Variants in DAB1 observed in about 807,000 individuals in gnomAD.
DAB1 encodes the protein disabled homolog 1.
Under a neutral mutation model 64.6 loss-of-function variants are expected in DAB1, and 15 were observed. That is an observed-to-expected ratio of 0.23 (90% CI 0.16 to 0.36). The LOEUF (loss-of-function observed/expected upper bound fraction) is 0.36. Ranked by LOEUF, DAB1 falls within the 10% of genes least tolerant of loss-of-function variation. The pLI, the probability that DAB1 is intolerant of heterozygous loss-of-function variation, is 1.00. For synonymous variants in DAB1, 235 were observed against 251.9 expected (o/e 0.93, Z 0.64); for missense variants, 596 against 706.7 (o/e 0.84, Z 1.78).
chr1:57,091,594 T>C (rs191163253), intron 4 of DAB1, among the ~76,000 whole-genome samples: 137 of 152,322 alleles, frequency 9.0e-4, no homozygotes, highest in Non-Finnish European at 1.4e-3. Flanking sequence ...TTTTTCTATA[T>C]CATCTTGATA....
chr1:57,256,811 C>G (rs1669800283), intron 2 of DAB1, among the ~76,000 whole-genome samples: 2 of 152,048 alleles, frequency 1.3e-5, no homozygotes, highest in East Asian at 1.9e-4. Context: ...CCAGAAGCAC[C>G]CTGGACTCTG....
In DAB1 at chr1:57,941,846, G is replaced by A. The variant is rs541625982; in HGVS notation, n.388-57684C>T. Among the ~76,000 whole-genome samples, 808 of 151,996 alleles carry A rather than the reference G, an allele frequency of 5.3e-3. 6 individuals carry two copies. The highest frequency in any genetic ancestry group is 0.019 in the African/African-American group (776 of 41,450). On this transcript the variant is annotated intron_variant and non_coding_transcript_variant, in intron 5 of 20. Transcript: ENST00000485760. ...TGAGACTCCGTCTCTTAAAAAAAAA[G>A]AAAAGAAATCTAATGGGGTGGTGAA... is the stretch of plus-strand genomic sequence containing the variant.
chr1:57,986,069 C>A (rs183698655), intron 5 of DAB1, among the ~76,000 whole-genome samples: 2 of 152,168 alleles, frequency 1.3e-5, no homozygotes, highest in Non-Finnish European at 2.9e-5. Context: ...ATACCCTTCA[C>A]ACTTGACACA....
chr1:57,799,875 C>A (rs1405380725), intron 6 of DAB1, among the ~76,000 whole-genome samples: 4 of 152,148 alleles, frequency 2.6e-5, no homozygotes, highest in African/African-American at 9.7e-5. Flanking sequence ...GCTTTTGCTT[C>A]AAGGGCAGAA....
In DAB1 at chr1:57,414,316, T is replaced by C. The variant is rs566483900; in HGVS notation, c.-137+9614A>G. Among the ~76,000 whole-genome samples, 43 of 152,362 alleles carry C rather than the reference T, an allele frequency of 2.8e-4. No individual in the cohort carries two copies. In the South Asian group the frequency reaches 4.4e-3, roughly 15 times the overall value. On this transcript the variant is annotated intron_variant, in intron 1 of 14. Transcript: ENST00000371236. ...ACTTCAATCTTCAGTAACCACCACC[T>C]TAATCAGTCAGTAGCCACCAACATT...
At chr1:57,272,840 C>G (rs577132236) in intron 2 of DAB1, among the ~76,000 whole-genome samples, 1 of 151,994 alleles carries the variant, frequency 6.6e-6, no homozygotes, top group African/African-American at 2.4e-5. Flanking sequence ...GGGTGTGGGG[C>G]GGGCAGTAGG....
At chr1:57,663,225 C>A (rs4244008) in intron 6 of DAB1, among the ~76,000 whole-genome samples, 50,123 of 151,860 alleles carry the variant, frequency 0.33, 8,608 homozygotes, top group Non-Finnish European at 0.38. Context: ...TTTCAAATAA[C>A]CAGATCTCAG....
At chr1:58,245,465 G>T (rs936355781) in intron 4 of DAB1, among the ~76,000 whole-genome samples, 1 of 152,122 alleles carries the variant, frequency 6.6e-6, no homozygotes, top group Admixed American at 6.6e-5. Flanking sequence ...GTTAAGATGT[G>T]GACTAAAGGG....
intron 1 of DAB1, among the ~76,000 whole-genome samples, chr1:57,857,852 A>AC (rs568704505): frequency 0.015 from 2,175 of 146,492 alleles, 15 homozygotes; most frequent in Non-Finnish European, 0.024. Context: ...GAATGTTCAT[A>AC]CAAAAAAAAA....
At chr1:57,435,685 C>T (rs1236718965) in intron 7 of DAB1, among the ~76,000 whole-genome samples, 1 of 152,126 alleles carries the variant, frequency 6.6e-6, no homozygotes, top group Non-Finnish European at 1.5e-5. Context: ...GGGGCAGTAA[C>T]ATGCATGAGC....
rs1652941155 is a variant in DAB1, at chr1:57,839,155, C to T, written n.88-12700G>A. On this transcript the variant is annotated intron_variant and non_coding_transcript_variant, in intron 1 of 1. Transcript: ENST00000477280. Reference sequence around the variant, plus strand: ...ATTTCTCTAGTAATTCCCCTAAATGCAAACCAAGCACTAGAAACCTTAGGC... The same window carrying T: ...ATTTCTCTAGTAATTCCCCTAAATGTAAACCAAGCACTAGAAACCTTAGGC... 2.0e-5 allele frequency among the ~76,000 whole-genome samples: 3 copies of T among 152,054 alleles called. No homozygotes were observed. The South Asian group carries it at 6.2e-4, about 32-fold the overall frequency.
intron 4 of DAB1, among the ~76,000 whole-genome samples, chr1:58,233,409 C>G (rs1391140371): frequency 6.6e-6 from 1 of 152,144 alleles, no homozygotes; most frequent in Non-Finnish European, 1.5e-5. Flanking sequence ...GAACCCAGGT[C>G]TGCTTGCTCC....
At chr1:58,021,250 A>C (rs1646811147) in intron 5 of DAB1, among the ~76,000 whole-genome samples, 1 of 152,204 alleles carries the variant, frequency 6.6e-6, no homozygotes, top group Admixed American at 6.5e-5. Context: ...GGCGTCATGC[A>C]CTGGGCATAA....
intron 5 of DAB1, among the ~76,000 whole-genome samples, chr1:57,942,044 A>T (rs528995516): frequency 6.6e-6 from 1 of 152,276 alleles, no homozygotes; most frequent in East Asian, 1.9e-4. Flanking sequence ...TTCTGGGTAG[A>T]TGGGGCAAGA....
chr1:58,532,227 T>A (rs1646444831), intron 1 of DAB1, among the ~76,000 whole-genome samples: 1 of 152,156 alleles, frequency 6.6e-6, no homozygotes, highest in Non-Finnish European at 1.5e-5. Flanking sequence ...GTGCTGACAA[T>A]GTTTAAGATC....
At chr1:58,171,256 C>T (rs978581820) in intron 4 of DAB1, among the ~76,000 whole-genome samples, 1 of 152,152 alleles carries the variant, frequency 6.6e-6, no homozygotes, top group Non-Finnish European at 1.5e-5. Context: ...TAAAAAATGC[C>T]CGCCCAGTCC....
At chr1:57,816,207 C>T (rs1335912410) in intron 6 of DAB1, among the ~76,000 whole-genome samples, 6 of 152,178 alleles carry the variant, frequency 3.9e-5, no homozygotes, top group Non-Finnish European at 8.8e-5. Flanking sequence ...CTGTTCATTG[C>T]TTTTACCTGT....
chr1:57,970,265 C>A (rs1217745705), intron 5 of DAB1, among the ~76,000 whole-genome samples: 1 of 152,052 alleles, frequency 6.6e-6, no homozygotes, highest in Non-Finnish European at 1.5e-5. Flanking sequence ...CCTAAAAGGG[C>A]AAAGAAAAAT....
intron 2 of DAB1, among the ~76,000 whole-genome samples, chr1:57,172,745 C>G (rs1661906412): frequency 6.6e-6 from 1 of 152,098 alleles, no homozygotes; most frequent in African/African-American, 2.4e-5. Flanking sequence ...GAACTCATTA[C>G]CACAAGGACA....
Sources: allele counts gnomAD v4.1 joint callset (sites outside exome capture counted in the v4.1 genomes callset), GRCh38; gene constraint gnomAD v4.1.1; transcripts MANE v1.5; gene names NCBI Gene and HGNC (gene_info 2026-07-23, HGNC 2026-07-21).